The following LAMC3 variants were observed in gnomAD, a reference collection of about 807,000 sequenced individuals.
LAMC3 encodes laminin subunit gamma-3.
A neutral mutation model predicts 173.8 loss-of-function variants in LAMC3; 128 were observed. That is an observed-to-expected ratio of 0.74 (90% CI 0.64 to 0.85). The LOEUF (loss-of-function observed/expected upper bound fraction) is 0.85. Ranked by LOEUF, LAMC3 falls within the 40% of genes least tolerant of loss-of-function variation. The probability of loss-of-function intolerance (pLI) is 0.00; values close to 1 mark genes in which losing one functional copy is unlikely to be tolerated. For missense variants in LAMC3, 2,022 were observed against 2,156.0 expected (o/e 0.94, Z 1.23); for synonymous variants, 897 against 909.1 (o/e 0.99, Z 0.24).
At chr9:131,052,792 A>G in intron 10 of LAMC3, 58 bp from the exon 11 acceptor site, 4 of 732,490 alleles carry the variant, frequency 5.5e-6, no homozygotes, top group Non-Finnish European at 8.5e-6. Context: ...CCCCATCCCC[A>G]GGCATGGTAC....
chr9:131,035,091 T>C (rs1043543443), intron 3 of LAMC3, among the ~76,000 whole-genome samples: 7 of 152,160 alleles, frequency 4.6e-5, no homozygotes, highest in South Asian at 2.1e-4. Context: ...GCTGGGATTA[T>C]AGGCATGCGC....
chr9:131,056,967 C>T lies in LAMC3; in HGVS notation c.1978C>T (p.Arg660Trp), dbSNP rs374264939. ...FLTEVRLTSA[R>W]PGLSPPASWV... ...GACTGAGGTCCGGCTCACATCCGCC[C>T]GGCCAGGGCTTTCCCCGCCAGCCTC... is the stretch of plus-strand genomic sequence containing the variant. Residue 660 changes from arginine to tryptophan, a missense_variant, in exon 12 of 28, where the codon CGG becomes TGG. Arg to Trp is a moderately radical substitution (Grantham distance 101). Transcript: ENST00000361069. The T allele has an allele frequency of 2.0e-5, 32 of 1,613,674 alleles. No homozygotes were observed. Among genetic ancestry groups the T allele is most frequent in the Non-Finnish European group, 2.5e-5 (29 of 1,180,040 alleles).
At chr9:131,058,954 T>C (rs1430844586) in intron 12 of LAMC3, among the ~76,000 whole-genome samples, 1 of 150,782 alleles carries the variant, frequency 6.6e-6, no homozygotes, top group East Asian at 2.0e-4. Flanking sequence ...TCCCAGCACT[T>C]TGGGAGGCCA....
At chr9:131,031,678 C>T (rs1833826917) in intron 2 of LAMC3, among the ~76,000 whole-genome samples, 1 of 152,204 alleles carries the variant, frequency 6.6e-6, no homozygotes, top group Admixed American at 6.5e-5. Context: ...TTGACCCCTG[C>T]CCGCCCAAAC....
At chr9:131,044,869 A>G (rs1834119416) in intron 7 of LAMC3, among the ~76,000 whole-genome samples, 1 of 152,222 alleles carries the variant, frequency 6.6e-6, no homozygotes, top group Non-Finnish European at 1.5e-5. Context: ...TAAATGCAAC[A>G]CCGTGTCCTG....
intron 7 of LAMC3, among the ~76,000 whole-genome samples, chr9:131,044,356 A>G (rs1834109719): frequency 6.6e-6 from 1 of 151,990 alleles, no homozygotes; most frequent in South Asian, 2.1e-4. Context: ...CTAAAAATAC[A>G]AAAATTAGCC....
In LAMC3 at chr9:131,091,753, A is replaced by AT. The variant is rs760939770; in HGVS notation, c.4694_4695insT (p.Ser1566GlnfsTer73). 1.9e-6 allele frequency: 3 copies of AT among 1,613,074 alleles called. No individual in the cohort carries two copies. Among genetic ancestry groups the AT allele is most frequent in the Non-Finnish European group, 2.5e-6 (3 of 1,179,982 alleles). ...AAACAGAACCTGGAGGCCATTCTGC[A>AT]CAGCCTGCCCGAGAACTGTGCCAGC... On this transcript the variant is annotated frameshift_variant, in exon 28 of 28. Transcript: ENST00000361069. LOFTEE classifies it high-confidence loss of function.
At chr9:131,017,289 GA>G (rs1488617382) in intron 1 of LAMC3, among the ~76,000 whole-genome samples, 1 of 152,188 alleles carries the variant, frequency 6.6e-6, no homozygotes, top group African/African-American at 2.4e-5. Flanking sequence ...AGCGTGATCG[GA>G]AAAAGGCAGT....
At chr9:131,050,467 G>A (rs1440846252) in intron 9 of LAMC3, among the ~76,000 whole-genome samples, 2 of 152,194 alleles carry the variant, frequency 1.3e-5, no homozygotes, top group South Asian at 2.1e-4. Context: ...GGAGCTGAGG[G>A]AAGATAAGTA....
intron 12 of LAMC3, 94 bp downstream of exon 12, chr9:131,057,241 A>G: frequency 8.9e-7 from 1 of 1,128,670 alleles, no homozygotes; most frequent in Non-Finnish European, 1.3e-6. Flanking sequence ...TGGCACAGGC[A>G]TTGAGGTGTT....
intron 13 of LAMC3, among the ~76,000 whole-genome samples, chr9:131,063,370 A>C (rs2133303645): frequency 6.6e-6 from 1 of 152,342 alleles, no homozygotes; most frequent in African/African-American, 2.4e-5. Flanking sequence ...CAGTTAGAGA[A>C]GCTCAGGTGG....
At chr9:131,050,032 C>T (rs956689707) in intron 9 of LAMC3, among the ~76,000 whole-genome samples, 3 of 152,350 alleles carry the variant, frequency 2.0e-5, no homozygotes, top group South Asian at 2.1e-4. Flanking sequence ...GCTGAGGAGC[C>T]GTGTGCCCTG....
rs7045991 is a variant in LAMC3 at position 131,085,381 on chromosome 9, C to T, written c.4031-143C>T. On this transcript the variant is annotated intron_variant, in intron 24 of 27. Coordinates refer to ENST00000361069, the MANE Select transcript of LAMC3 (RefSeq NM_006059.4). ...TTTCTCCTGGATAAGCCTGAGAAGGCGATATGCACGTTGCATGCACTTCAG... is the reference window on the plus strand; with the variant it reads ...TTTCTCCTGGATAAGCCTGAGAAGGTGATATGCACGTTGCATGCACTTCAG... 0.43 allele frequency: 330,714 copies of T among 773,394 alleles called. 73,519 individuals carry two copies. Among genetic ancestry groups the T allele is most frequent in the African/African-American group, 0.68 (39,570 of 57,980 alleles). 47.9% of individuals were successfully genotyped at this position (773,394 alleles called of 1,614,324 possible). A position where few individuals can be genotyped will look rare whatever the true frequency, so the allele number is the denominator to read the frequency against.
chr9:131,040,000 T>A (rs1295923100), intron 6 of LAMC3, among the ~76,000 whole-genome samples: 1 of 146,090 alleles, frequency 6.8e-6, no homozygotes, highest in Non-Finnish European at 1.5e-5. Flanking sequence ...CAAAAACCTA[T>A]GATAAATTTA....
intron 27 of LAMC3, among the ~76,000 whole-genome samples, chr9:131,091,281 T>C (rs553831327): frequency 6.6e-6 from 1 of 152,366 alleles, no homozygotes; most frequent in African/African-American, 2.4e-5. Flanking sequence ...TTAACAATAA[T>C]AGTAAAACCA....
At chr9:131,040,514 C>T (rs556291101) in intron 6 of LAMC3, among the ~76,000 whole-genome samples, 9 of 152,262 alleles carry the variant, frequency 5.9e-5, no homozygotes, top group East Asian at 5.8e-4. Context: ...TGGTTGATAA[C>T]GGGCATCTTT....
chr9:131,067,658 C>T (rs1408336846), intron 14 of LAMC3, among the ~76,000 whole-genome samples: 1 of 152,224 alleles, frequency 6.6e-6, no homozygotes, highest in Non-Finnish European at 1.5e-5. Context: ...GCTGCCGGCT[C>T]CTGCTCACTC....
chr9:131,066,982 T>C lies in LAMC3; in HGVS notation c.2370T>C (p.Asp790=), dbSNP rs1167687416. The C allele has an allele frequency of 6.2e-7, 1 of 1,613,870 alleles. No individual in the cohort carries two copies. Among genetic ancestry groups the C allele is most frequent in the Admixed American group, 1.7e-5 (1 of 60,008 alleles). Residue 790 remains aspartate (D), a synonymous_variant, in exon 14 of 28, where the codon GAT becomes GAC. Transcript: ENST00000361069. ...CAGGGCGGCGCTGTGAGGTCTGTGA[T>C]GATGGCTTTTTTGGGGACCCGCTGG... The part of the protein sequence containing the change: ...GQRGRRCEVC[D]DGFFGDPLGL...
At chr9:131,074,208 A>G (rs561610241) in intron 20 of LAMC3, among the ~76,000 whole-genome samples, 2 of 150,562 alleles carry the variant, frequency 1.3e-5, no homozygotes, top group East Asian at 4.0e-4. Context: ...TCGGCCTCCC[A>G]AAGTGCTGGG....
Sources: gnomAD v4.1 joint callset for allele counts (sites outside exome capture counted in the v4.1 genomes callset) on GRCh38, gnomAD v4.1.1 for gene constraint, MANE v1.5 for transcripts, NCBI Gene and HGNC (gene_info 2026-07-23, HGNC 2026-07-21) for gene names.